The following MPHOSPH8 variants were observed in gnomAD, a reference collection of about 807,000 sequenced individuals.
The protein encoded by MPHOSPH8 is M-phase phosphoprotein, mpp.
In MPHOSPH8, 45 loss-of-function variants were observed where a neutral mutation model predicts 87.3. That is an observed-to-expected ratio of 0.52 (90% CI 0.41 to 0.66). The LOEUF (loss-of-function observed/expected upper bound fraction) is 0.66. MPHOSPH8 is among the 30% of genes least tolerant of loss of function. MPHOSPH8 has a pLI of 0.00. For synonymous variants in MPHOSPH8, 366 were observed against 376.9 expected (o/e 0.97, Z 0.33); for missense variants, 883 against 1,020.2 (o/e 0.87, Z 1.83).
Position 19,671,922 on chromosome 13 carries a change from ACT to A in MPHOSPH8, c.*52_*53del, listed in dbSNP as rs371541617. 128 of 1,571,948 alleles carry A rather than the reference ACT, an allele frequency of 8.1e-5. No homozygotes were observed. In the African/African-American group the frequency reaches 1.3e-3, roughly 16 times the overall value. On this transcript the variant is annotated 3_prime_UTR_variant, in exon 14 of 14. Coordinates refer to ENST00000361479, the MANE Select transcript of MPHOSPH8 (RefSeq NM_017520.4). Reference sequence around the variant, plus strand: ...GAGTTCTCTTCAGACCGATTCCTATACTCTCTTTGACAGCAGTTTGGAATTCT... The same window carrying A: ...GAGTTCTCTTCAGACCGATTCCTATACTCTTTGACAGCAGTTTGGAATTCT...
intron 5 of MPHOSPH8, among the ~76,000 whole-genome samples, chr13:19,657,882 T>C (rs1875282824): frequency 2.6e-5 from 4 of 152,208 alleles, no homozygotes; most frequent in Admixed American, 2.0e-4. Flanking sequence ...GACACCTGAA[T>C]AAGAAGACTG....
intron 9 of MPHOSPH8, among the ~76,000 whole-genome samples, chr13:19,666,028 C>T (rs1027147686): frequency 3.9e-5 from 6 of 152,168 alleles, no homozygotes; most frequent in South Asian, 2.1e-4. Flanking sequence ...CGTATCTCTG[C>T]GCCTCGCTGA....
In MPHOSPH8 at chr13:19,633,871, C is replaced by T. The variant is rs371343470; in HGVS notation, c.123C>T (p.Ala41=). 2.5e-6 allele frequency: 4 copies of T among 1,611,484 alleles called. No homozygotes were observed. The highest frequency in any genetic ancestry group is 4.5e-5 in the East Asian group (2 of 44,800). Residue 41 remains alanine, a synonymous_variant, in exon 1 of 14, where the codon GCC becomes GCT. Coordinates refer to ENST00000361479, the MANE Select transcript of MPHOSPH8 (RefSeq NM_017520.4). The stretch of plus-strand genomic sequence containing the variant: ...TAGTGGGCGAAGATAATGACGCAGC[C>T]GCGAGAGGAGCGGAGGCCTTTGGCG... ...VGVVGEDNDA[A]ARGAEAFGDS... is the part of the protein sequence containing the mutation.
In MPHOSPH8 at chr13:19,633,937, G is replaced by T; in HGVS notation, c.189G>T (p.Lys63Asn). The T allele has an allele frequency of 6.2e-7, 1 of 1,610,334 alleles. No individual in the cohort carries two copies. Among genetic ancestry groups the T allele is most frequent in the Non-Finnish European group, 8.5e-7 (1 of 1,178,790 alleles). Residue 63 changes from lysine to asparagine, a missense_variant, in exon 1 of 14, where the codon AAG (lysine) becomes AAT (asparagine). Physicochemically the swap from Lys to Asn is moderately conservative, Grantham distance 94 (BLOSUM62 0). Coordinates refer to ENST00000361479, the MANE Select transcript of MPHOSPH8 (RefSeq NM_017520.4). Reference sequence around the variant, plus strand: ...GAGAGGATGTGTTCGAGGTGGAGAAGATCCTGGACATGAAGACCGAGGGGG... The same window carrying T: ...GAGAGGATGTGTTCGAGGTGGAGAATATCCTGGACATGAAGACCGAGGGGG... ...EDGEDVFEVE[K>N]ILDMKTEGGK... is the part of the protein sequence containing the mutation.
rs760288843 is a variant in MPHOSPH8 at position 19,668,545 on chromosome 13, TC to T, written c.2329+17del. The T allele has an allele frequency of 3.7e-6, 6 of 1,608,374 alleles. No homozygotes were observed. Among genetic ancestry groups the T allele is most frequent in the Non-Finnish European group, 5.1e-6 (6 of 1,177,348 alleles). ...ACATACCAGAAGGTAAGCCGATGCC[TC>T]CCTTCACACTTTTCTATGTGAAGTG... On this transcript the variant is annotated intron_variant, in intron 11 of 13. Coordinates refer to ENST00000361479, the MANE Select transcript of MPHOSPH8 (RefSeq NM_017520.4).
At chr13:19,649,491 G>A (rs548402446) in intron 4 of MPHOSPH8, among the ~76,000 whole-genome samples, 1 of 152,184 alleles carries the variant, frequency 6.6e-6, no homozygotes, top group African/African-American at 2.4e-5. Flanking sequence ...TCTTATGTCA[G>A]GTCTAGTACC....
intron 1 of MPHOSPH8, among the ~76,000 whole-genome samples, chr13:19,641,428 T>G (rs181331785): frequency 4.6e-5 from 7 of 151,156 alleles, no homozygotes; most frequent in East Asian, 1.9e-4. Flanking sequence ...ATACAAGCGA[T>G]TCTCCTGCCT....
At chr13:19,652,645 C>T (rs1049746109) in intron 5 of MPHOSPH8, among the ~76,000 whole-genome samples, 5 of 152,058 alleles carry the variant, frequency 3.3e-5, no homozygotes, top group African/African-American at 1.2e-4. Context: ...TTGGCGGGTC[C>T]CACCCCCACA....
chr13:19,635,517 G>T (rs1446872445), intron 1 of MPHOSPH8, among the ~76,000 whole-genome samples: 1 of 152,114 alleles, frequency 6.6e-6, no homozygotes, highest in African/African-American at 2.4e-5. Flanking sequence ...GACAGAGGGA[G>T]ACTCCGTCTC....
chr13:19,648,891 G>A (rs571808752), intron 4 of MPHOSPH8, among the ~76,000 whole-genome samples: 1 of 151,956 alleles, frequency 6.6e-6, no homozygotes, highest in Admixed American at 6.6e-5. Flanking sequence ...TATATTTCTT[G>A]AAAACAAACA....
In MPHOSPH8 at chr13:19,666,853, A is replaced by G. The variant is rs555031569; in HGVS notation, c.2174+274A>G. On this transcript the variant is annotated intron_variant, in intron 10 of 13. Coordinates refer to ENST00000361479, the MANE Select transcript of MPHOSPH8 (RefSeq NM_017520.4). ...AAGTATGCTCTTAATTTGGTTAGCAAAGGTTTTCTTAAAAACATTTAAACT... is the reference window on the plus strand; with the variant it reads ...AAGTATGCTCTTAATTTGGTTAGCAGAGGTTTTCTTAAAAACATTTAAACT... Among the ~76,000 whole-genome samples, 43 of 152,286 alleles carry G rather than the reference A, an allele frequency of 2.8e-4. 1 individual carries two copies. Among genetic ancestry groups the G allele is most frequent in the Admixed American group, 7.2e-4 (11 of 15,302 alleles).
At chr13:19,656,298 A>AAC (rs1201125465) in intron 5 of MPHOSPH8, among the ~76,000 whole-genome samples, 1 of 151,180 alleles carries the variant, frequency 6.6e-6, no homozygotes, top group East Asian at 1.9e-4. Flanking sequence ...AAAAAAAAAA[A>AAC]AACTGTCGTC....
intron 12 of MPHOSPH8, chr13:19,670,995 ATTTTTT>A: frequency 8.2e-7 from 1 of 1,221,952 alleles, no homozygotes; most frequent in Non-Finnish European, 1.1e-6. Context: ...AATTTTTTGT[ATTTTTT>A]GTAGAGATGG....
chr13:19,658,488 C>A (rs1875327897), intron 5 of MPHOSPH8, among the ~76,000 whole-genome samples: 1 of 151,976 alleles, frequency 6.6e-6, no homozygotes, highest in Admixed American at 6.5e-5. Context: ...TGGGTGTGGG[C>A]CAGGGCACTG....
Position 19,673,101 on chromosome 13 carries a change from T to G in MPHOSPH8, c.*1226T>G, listed in dbSNP as rs1279093602. 4 of 253,682 alleles carry G rather than the reference T, an allele frequency of 1.6e-5. No individual in the cohort carries two copies. Among genetic ancestry groups the G allele is most frequent in the Admixed American group, 4.5e-5 (1 of 22,434 alleles). The allele number at this position is 253,682 out of a possible 1,614,324, so 15.7% of individuals were successfully genotyped here. ...GGAACCTATACGGTTTTTTTTTGTT[T>G]TTTTTTTTTGAAAAGCCAGACCTTG... On this transcript the variant is annotated 3_prime_UTR_variant, in exon 14 of 14. Transcript: ENST00000361479.
At chr13:19,654,955 AAAAAG>A (rs1229344715) in intron 5 of MPHOSPH8, among the ~76,000 whole-genome samples, 1 of 152,154 alleles carries the variant, frequency 6.6e-6, no homozygotes, top group African/African-American at 2.4e-5. Flanking sequence ...TCTCAAAAAA[AAAAAG>A]AAAAATGACA....
At chr13:19,647,336 A>G in intron 3 of MPHOSPH8, 45 bp downstream of exon 3, 1 of 1,483,814 alleles carries the variant, frequency 6.7e-7, no homozygotes. Flanking sequence ...TGAGTGGTCA[A>G]GACATTTCAC....
Position 19,649,998 on chromosome 13 carries a change from G to A in MPHOSPH8, c.1319-5G>A, listed in dbSNP as rs9579581. On this transcript the variant is annotated splice_region_variant and splice_polypyrimidine_tract_variant and intron_variant, in intron 4 of 13. Coordinates refer to ENST00000361479, the MANE Select transcript of MPHOSPH8 (RefSeq NM_017520.4). ...CTTAACCATCTATTTTAATTTTTTC[G>A]TTAGCACTTAAGGAAATCAGAAATG... is the stretch of plus-strand genomic sequence containing the variant. 121,665 of 1,555,536 alleles carry A rather than the reference G, an allele frequency of 0.078. 5,450 individuals are homozygous for A. The highest frequency in any genetic ancestry group is 0.18 in the African/African-American group (13,158 of 72,200).
intron 4 of MPHOSPH8, among the ~76,000 whole-genome samples, chr13:19,649,582 T>C (rs1370498559): frequency 1.3e-5 from 2 of 152,222 alleles, no homozygotes; most frequent in Non-Finnish European, 2.9e-5. Flanking sequence ...CAGGCAGTGC[T>C]CTGGCACCCT....
Sources: allele counts gnomAD v4.1 joint callset (sites outside exome capture counted in the v4.1 genomes callset), GRCh38; gene constraint gnomAD v4.1.1; transcripts MANE v1.5; gene names NCBI Gene and HGNC (gene_info 2026-07-23, HGNC 2026-07-21).